The following IL1RAPL1 variants were observed in gnomAD, a reference collection of about 807,000 sequenced individuals.
IL1RAPL1 encodes interleukin-1 receptor accessory protein-like 1.
IL1RAPL1 carries 3 observed loss-of-function variants against 48.4 expected under a neutral mutation model. The ratio of observed to expected loss-of-function variants is 0.06; its 90% CI spans 0.03 to 0.16. The LOEUF is 0.16. IL1RAPL1 is among the 10% of genes least tolerant of loss of function. The probability of loss-of-function intolerance (pLI) is 1.00; values close to 1 mark genes in which losing one functional copy is unlikely to be tolerated. For synonymous variants in IL1RAPL1, 185 were observed against 187.7 expected (o/e 0.99, Z 0.12); for missense variants, 349 against 530.6 (o/e 0.66, Z 3.36).
intron 6 of IL1RAPL1, among the ~76,000 whole-genome samples, chrX:29,868,303 C>T (rs1185108445): frequency 8.9e-6 from 1 of 112,433 alleles, no homozygotes; most frequent in Non-Finnish European, 1.9e-5. Flanking sequence ...TTTAACTACT[C>T]TACCCAGTAA....
chrX:29,283,291 A>G, intron 3 of IL1RAPL1, 74 bp downstream of exon 3: 2 of 1,046,445 alleles, frequency 1.9e-6, no homozygotes, highest in Non-Finnish European at 2.7e-6. Context: ...TGTTGCTGCT[A>G]TCTCTTTTGC....
At chrX:29,367,933 ATATC>A (rs1487761544) in intron 3 of IL1RAPL1, among the ~76,000 whole-genome samples, 2 of 109,925 alleles carry the variant, frequency 1.8e-5, no homozygotes, top group African/African-American at 6.6e-5. Context: ...ACAAATGTAT[ATATC>A]TATATTTTAT....
intron 6 of IL1RAPL1, among the ~76,000 whole-genome samples, chrX:29,804,835 T>G (rs1465534134): frequency 8.9e-6 from 1 of 112,131 alleles, no homozygotes. Context: ...AAGCTCAAGC[T>G]CAACATGAAC....
intron 3 of IL1RAPL1, among the ~76,000 whole-genome samples, chrX:29,366,586 T>G (rs368568737): frequency 0.01 from 619 of 60,365 alleles, 10 homozygotes; most frequent in African/African-American, 0.032. Context: ...TTTTTTTTTT[T>G]GAGACAGAGT....
chrX:29,479,949 T>C (rs145618477), intron 5 of IL1RAPL1, among the ~76,000 whole-genome samples: 1,271 of 111,258 alleles, frequency 0.011, 18 homozygotes, highest in African/African-American at 0.039. Context: ...TCTATATCTT[T>C]GCAATTGCGA....
In IL1RAPL1 at chrX:29,843,735, A is replaced by G. The variant is rs925174131; in HGVS notation, c.779-73729A>G. ...TCAAAGCCAGCAGCATAGCAATTCA[A>G]TTCTCTCTCTTTCTCACTTCTCTCT... is the stretch of plus-strand genomic sequence containing the variant. On this transcript the variant is annotated intron_variant, in intron 6 of 10. Transcript: ENST00000378993. 5.5e-5 allele frequency among the ~76,000 whole-genome samples: 6 copies of G among 108,159 alleles called. No homozygotes were observed. The South Asian group carries it at 1.2e-3, about 22-fold the overall frequency. The allele number at this position is 108,159 out of a possible 115,157, so 93.9% of individuals were successfully genotyped here. A position where few individuals can be genotyped will look rare whatever the true frequency, so the allele number is the denominator to read the frequency against.
At chrX:28,693,653 T>C in intron 1 of IL1RAPL1, among the ~76,000 whole-genome samples, 1 of 112,395 alleles carries the variant, frequency 8.9e-6, no homozygotes, top group South Asian at 3.7e-4. Flanking sequence ...TTAATTTTCT[T>C]CTACTGAATT....
At chrX:29,413,379 G>A (rs903832030) in intron 5 of IL1RAPL1, among the ~76,000 whole-genome samples, 6 of 111,036 alleles carry the variant, frequency 5.4e-5, no homozygotes, top group Non-Finnish European at 1.1e-4. Context: ...TATACTTTAA[G>A]TTTTAGGGTA....
At chrX:29,783,021 C>G (rs1193206550) in intron 6 of IL1RAPL1, among the ~76,000 whole-genome samples, 6 of 101,670 alleles carry the variant, frequency 5.9e-5, no homozygotes, top group Admixed American at 2.2e-4. Flanking sequence ...TCTCCTGCCT[C>G]AGCCTCCCAA....
At chrX:29,047,200 C>T (rs1026037960) in intron 2 of IL1RAPL1, among the ~76,000 whole-genome samples, 2 of 112,482 alleles carry the variant, frequency 1.8e-5, no homozygotes, top group African/African-American at 6.5e-5. Flanking sequence ...AAAGACTTGT[C>T]TCTACATGAT....
intron 1 of IL1RAPL1, among the ~76,000 whole-genome samples, chrX:28,697,982 G>A (rs186631185): frequency 1.0e-3 from 115 of 111,270 alleles, no homozygotes; most frequent in African/African-American, 3.3e-3. Context: ...GATCTCCAAA[G>A]CCTTTTCTAG....
chrX:29,138,775 TA>T (rs751624483), intron 2 of IL1RAPL1, among the ~76,000 whole-genome samples: 13,341 of 67,235 alleles, frequency 0.2, 1,231 homozygotes, highest in East Asian at 0.42. Flanking sequence ...AGACTCCATC[TA>T]AAAAAAAAAA....
intron 2 of IL1RAPL1, among the ~76,000 whole-genome samples, chrX:28,994,204 G>C (rs181819000): frequency 2.1e-4 from 24 of 111,731 alleles, no homozygotes; most frequent in African/African-American, 7.8e-4. Context: ...GAAAGGAAGG[G>C]TTTGGGTCTG....
rs762327166 is a variant in IL1RAPL1 at position 28,981,345 on chromosome X, A to C, written c.82+191920A>C. On this transcript the variant is annotated intron_variant, in intron 2 of 10. Transcript: ENST00000378993. Reference sequence around the variant, plus strand: ...TAATACACCTGAAAACGATCCTAAAATGATCTAAAAATCTCCTGGGTTTTT... The same window carrying C: ...TAATACACCTGAAAACGATCCTAAACTGATCTAAAAATCTCCTGGGTTTTT... Among the ~76,000 whole-genome samples the C allele has an allele frequency of 3.2e-3, 349 of 109,345 alleles. 3 individuals are homozygous for C. Among genetic ancestry groups the C allele is most frequent in the African/African-American group, 0.011 (317 of 30,084 alleles). The allele number at this position is 109,345 out of a possible 115,157, so 95.0% of individuals were successfully genotyped here.
In IL1RAPL1 at chrX:29,381,814, C is replaced by CAAA. The variant is rs1213630768; in HGVS notation, c.363-14426_363-14424dup. 4.2e-4 allele frequency among the ~76,000 whole-genome samples: 14 copies of CAAA among 33,377 alleles called. 1 individual carries two copies. The highest frequency in any genetic ancestry group is 5.4e-4 in the African/African-American group (5 of 9,283). 29.0% of individuals were successfully genotyped at this position (33,377 alleles called of 115,157 possible). Reference sequence around the variant, plus strand: ...CTGGGTGACAGAGCAAGACTGTTGCCAAAAAAAAAAAAAAAAAAAATATAT... The same window carrying CAAA: ...CTGGGTGACAGAGCAAGACTGTTGCCAAAAAAAAAAAAAAAAAAAAAAATATAT... On this transcript the variant is annotated intron_variant, in intron 3 of 10. Coordinates refer to ENST00000378993, the MANE Select transcript of IL1RAPL1 (RefSeq NM_014271.4).
At chrX:29,117,806 A>G (rs225043) in intron 2 of IL1RAPL1, among the ~76,000 whole-genome samples, 39,379 of 110,268 alleles carry the variant, frequency 0.36, 6,189 homozygotes, top group Non-Finnish European at 0.49. Context: ...GCCACTTAAT[A>G]CAGATCCCAT....
At chrX:29,095,914 G>A (rs1318704984) in intron 2 of IL1RAPL1, among the ~76,000 whole-genome samples, 1 of 110,829 alleles carries the variant, frequency 9.0e-6, no homozygotes, top group Non-Finnish European at 1.9e-5. Flanking sequence ...AAAAATCCTG[G>A]ACACATATGA....
chrX:29,688,212 C>T (rs1196042765), intron 6 of IL1RAPL1, among the ~76,000 whole-genome samples: 1 of 111,914 alleles, frequency 8.9e-6, no homozygotes, highest in Non-Finnish European at 1.9e-5. Context: ...TCTCACAGTT[C>T]TGGTGGCCAG....
intron 2 of IL1RAPL1, chrX:28,942,650 TAAAAAAAAAA>T: frequency 1.7e-5 from 1 of 60,497 alleles, no homozygotes; most frequent in East Asian, 4.6e-4. Context: ...CATCTAATAG[TAAAAAAAAAA>T]AAAAAAAAAG....
Sources: gnomAD v4.1 joint callset for allele counts (sites outside exome capture counted in the v4.1 genomes callset) on GRCh38, gnomAD v4.1.1 for gene constraint, MANE v1.5 for transcripts, NCBI Gene and HGNC (gene_info 2026-07-23, HGNC 2026-07-21) for gene names.